PRELID2: variants seen among roughly 807,000 people sequenced by gnomAD.
PRELID2 encodes the protein PRELI domain-containing protein 2.
PRELID2 carries 25 observed loss-of-function variants against 28.4 expected under a neutral mutation model. The ratio of observed to expected loss-of-function variants is 0.88; its 90% CI spans 0.64 to 1.23. The LOEUF is 1.23. Ranked by LOEUF, PRELID2 falls within the 50% of genes most tolerant of loss-of-function variation. The pLI is 0.00. For synonymous variants in PRELID2, 76 were observed against 71.6 expected, an observed-to-expected ratio of 1.06 and a Z score of -0.31; for missense variants, 201 against 214.4, an observed-to-expected ratio of 0.94 and a Z score of 0.39.
chr5:145,777,432 G>A (rs1174884174), intron 5 of PRELID2, among the ~76,000 whole-genome samples: 2 of 152,176 alleles, frequency 1.3e-5, no homozygotes, highest in East Asian at 1.9e-4. Flanking sequence ...CTCAGTCTGA[G>A]TCCCACTGTC....
At chr5:145,809,052 T>C (rs1753748983) in intron 4 of PRELID2, among the ~76,000 whole-genome samples, 1 of 148,278 alleles carries the variant, frequency 6.7e-6, no homozygotes, top group Admixed American at 6.7e-5. Flanking sequence ...TTTTTTTTTT[T>C]TTTTGAGACA....
the PRELID2 span, among the ~76,000 whole-genome samples, chr5:145,426,886 C>T: frequency 2.0e-5 from 3 of 152,120 alleles, no homozygotes; most frequent in Non-Finnish European, 4.4e-5. Context: ...GATTCTAGTA[C>T]CCTGGTTGAG....
intron 1 of PRELID2, among the ~76,000 whole-genome samples, chr5:145,630,553 T>C (rs1295191368): frequency 1.3e-5 from 2 of 152,190 alleles, no homozygotes; most frequent in Admixed American, 1.3e-4. Context: ...GTAAAAGCTG[T>C]CTTTTCTTTC....
chr5:145,304,601 G>A, the PRELID2 span, among the ~76,000 whole-genome samples: 1 of 152,108 alleles, frequency 6.6e-6, no homozygotes, highest in Admixed American at 6.5e-5. Flanking sequence ...ACTATTAAGA[G>A]TGAGAGCCTA....
chr5:145,354,876 A>C, the PRELID2 span, among the ~76,000 whole-genome samples: 2 of 152,106 alleles, frequency 1.3e-5, no homozygotes, highest in Non-Finnish European at 2.9e-5. Flanking sequence ...CACAATGTCT[A>C]CATTGTTCAT....
the PRELID2 span, among the ~76,000 whole-genome samples, chr5:145,315,314 C>A: frequency 1.3e-5 from 2 of 151,836 alleles, no homozygotes; most frequent in Admixed American, 6.6e-5. Flanking sequence ...GTGATCTGCC[C>A]GCCTCGGCCT....
intron 5 of PRELID2, chr5:145,795,797 A>G (rs1752705498): frequency 6.6e-6 from 1 of 152,208 alleles, no homozygotes; most frequent in Admixed American, 6.5e-5. Flanking sequence ...TATTAAGGAA[A>G]GAAAATAGAA....
At chr5:145,814,225 T>C (rs1449377893) in intron 4 of PRELID2, among the ~76,000 whole-genome samples, 1 of 152,220 alleles carries the variant, frequency 6.6e-6, no homozygotes, top group Admixed American at 6.5e-5. Context: ...CAGATGAAAG[T>C]TTAGTTCACC....
intron 1 of PRELID2, among the ~76,000 whole-genome samples, chr5:145,603,573 G>A (rs1048481392): frequency 6.6e-6 from 1 of 151,920 alleles, no homozygotes; most frequent in African/African-American, 2.4e-5. Flanking sequence ...GGGTGATCTC[G>A]GGCAGAAGAA....
At chr5:145,378,915 G>A in the PRELID2 span, among the ~76,000 whole-genome samples, 1 of 151,910 alleles carries the variant, frequency 6.6e-6, no homozygotes, top group Non-Finnish European at 1.5e-5. Context: ...ATCTTTGTGG[G>A]CTTATCTACC....
chr5:145,456,800 C>A, the PRELID2 span, among the ~76,000 whole-genome samples: 1 of 152,098 alleles, frequency 6.6e-6, no homozygotes, highest in East Asian at 1.9e-4. Flanking sequence ...TTTAAAGTAA[C>A]AATCTTTTAC....
chr5:145,694,651 A>C (rs1218924996), intron 1 of PRELID2, among the ~76,000 whole-genome samples: 1 of 152,172 alleles, frequency 6.6e-6, no homozygotes, highest in East Asian at 1.9e-4. Context: ...AATTTATTTC[A>C]TGGATTCAAC....
the PRELID2 span, among the ~76,000 whole-genome samples, chr5:145,352,330 G>C: frequency 6.6e-6 from 1 of 152,142 alleles, no homozygotes; most frequent in Non-Finnish European, 1.5e-5. Context: ...CTTGACTTCT[G>C]TGTACCCTCA....
rs147469337 is a variant in PRELID2, at chr5:145,590,622, C to T, written n.71-117307G>A. On this transcript the variant is annotated intron_variant and non_coding_transcript_variant, in intron 1 of 2. Coordinates refer to the PRELID2 transcript ENST00000510259. ...ATGTCAATTTATACTTGTATTAGTA[C>T]CAGTCTTACTAAATTGTTACAAATC... Among the ~76,000 whole-genome samples the T allele has an allele frequency of 2.2e-3, 333 of 152,188 alleles. 1 individual carries two copies. The highest frequency in any genetic ancestry group is 7.5e-3 in the African/African-American group (311 of 41,538).
At chr5:145,229,667 C>T in the PRELID2 span, 1 of 791,608 alleles carries the variant, frequency 1.3e-6, no homozygotes, top group Non-Finnish European at 2.2e-6. Context: ...TCTACCAGAC[C>T]CCAGTAGGCA....
At chr5:145,679,612 C>G (rs1009507009) in intron 1 of PRELID2, among the ~76,000 whole-genome samples, 1 of 152,066 alleles carries the variant, frequency 6.6e-6, no homozygotes, top group Non-Finnish European at 1.5e-5. Context: ...ATCAGATGCT[C>G]AGTAAATACT....
chr5:145,789,447 T>C (rs760244016), intron 5 of PRELID2, among the ~76,000 whole-genome samples: 14 of 152,142 alleles, frequency 9.2e-5, no homozygotes, highest in African/African-American at 2.9e-4. Context: ...AATATCCACA[T>C]AGAATAATAA....
Position 145,534,859 on chromosome 5 carries a change from C to T in PRELID2, n.71-61544G>A, listed in dbSNP as rs75465944. On this transcript the variant is annotated intron_variant and non_coding_transcript_variant, in intron 1 of 2. Coordinates refer to the PRELID2 transcript ENST00000510259. ...AATACTTCCAGACTGTAACTAGAGC[C>T]AGCTCATTGTATGAGGTGGCTTTAA... Among the ~76,000 whole-genome samples the T allele has an allele frequency of 2.8e-3, 423 of 152,036 alleles. 1 individual carries two copies. The highest frequency in any genetic ancestry group is 9.9e-3 in the African/African-American group (410 of 41,516).
chr5:145,375,627 G>T, the PRELID2 span, among the ~76,000 whole-genome samples: 34 of 152,284 alleles, frequency 2.2e-4, no homozygotes, highest in South Asian at 6.8e-3. Flanking sequence ...CTCCCTAGGG[G>T]CTCAGGCCCA....
Sources: allele counts gnomAD v4.1 joint callset (sites outside exome capture counted in the v4.1 genomes callset), GRCh38; gene constraint gnomAD v4.1.1; transcripts MANE v1.5; gene names NCBI Gene and HGNC (gene_info 2026-07-23, HGNC 2026-07-21).